ACTN1: variants seen among roughly 807,000 people sequenced by gnomAD.
ACTN1 encodes actinin alpha 1.
In ACTN1, 30 loss-of-function variants were observed where a neutral mutation model predicts 119.6. That is an observed-to-expected ratio of 0.25 (90% CI 0.19 to 0.34). The LOEUF is 0.34. Among genes scored for constraint, ACTN1 ranks in the 10% least tolerant of loss-of-function variants. ACTN1 has a pLI of 1.00. For synonymous variants in ACTN1, 429 were observed against 472.6 expected, an observed-to-expected ratio of 0.91 and a Z score of 1.20; for missense variants, 764 against 1,223.4, an observed-to-expected ratio of 0.62 and a Z score of 5.60.
At chr14:68,959,777 T>G (rs1044037443) in intron 1 of ACTN1, among the ~76,000 whole-genome samples, 3 of 152,116 alleles carry the variant, frequency 2.0e-5, no homozygotes, top group Non-Finnish European at 2.9e-5. Flanking sequence ...TAGTTACTAT[T>G]TCTAATAATC....
intron 1 of ACTN1, chr14:68,947,514 G>C (rs2035981924): frequency 6.6e-6 from 1 of 152,300 alleles, no homozygotes; most frequent in Non-Finnish European, 1.5e-5. Context: ...AGACAGCAGA[G>C]CTTGCCTCCA....
chr14:68,949,114 C>T (rs910550703), intron 1 of ACTN1, among the ~76,000 whole-genome samples: 22 of 152,314 alleles, frequency 1.4e-4, no homozygotes, highest in African/African-American at 4.6e-4. Flanking sequence ...CTGTAATTAA[C>T]GGGCCAAAAA....
chr14:68,972,666 G>T (rs761456836), intron 1 of ACTN1, among the ~76,000 whole-genome samples: 1 of 152,198 alleles, frequency 6.6e-6, no homozygotes. Flanking sequence ...TTCTACCCAC[G>T]CAAGCATTTG....
Position 68,879,779 on chromosome 14 carries a change from C to T in ACTN1, c.2280+183G>A. On this transcript the variant is annotated intron_variant, in intron 18 of 21. Coordinates refer to ENST00000394419, the MANE Select transcript of ACTN1 (RefSeq NM_001130004.2). This position sits in a 1 kb window ranked among gnomAD's most constrained non-coding sequence, Gnocchi z 4.9. ...CCGGAAAGCAGGGAAGCTTATGGGGCACCAACACAGGTTTTCCAAGGCTGG... is the reference window on the plus strand; with the variant it reads ...CCGGAAAGCAGGGAAGCTTATGGGGTACCAACACAGGTTTTCCAAGGCTGG... 1 of 750,448 alleles carries T rather than the reference C, an allele frequency of 1.3e-6. No homozygotes were observed. Among genetic ancestry groups the T allele is most frequent in the Non-Finnish European group, 2.1e-6 (1 of 477,524 alleles). 46.5% of individuals were successfully genotyped at this position (750,448 alleles called of 1,614,324 possible). A position where few individuals can be genotyped will look rare whatever the true frequency, so the allele number is the denominator to read the frequency against.
chr14:68,971,493 G>T (rs2036883043), intron 1 of ACTN1, among the ~76,000 whole-genome samples: 2 of 152,128 alleles, frequency 1.3e-5, no homozygotes, highest in African/African-American at 4.8e-5. Context: ...AAAATGAATG[G>T]CTCCCTTTAA....
chr14:68,918,967 C>A (rs997534455), intron 3 of ACTN1, among the ~76,000 whole-genome samples: 2 of 152,130 alleles, frequency 1.3e-5, no homozygotes, highest in Non-Finnish European at 2.9e-5. Flanking sequence ...CTGGTGATAC[C>A]CATCCTACGA....
In ACTN1 at chr14:68,874,978, G is replaced by A. The variant is rs200346938; in HGVS notation, c.2626C>T (p.Pro876Ser). ...GCGATGCAGTACTCAGCCTGGTCGG[G>A]TGGCAGCTCGCGGCGCAGCTCGTCC... ...TMDELRRELP[P>S]DQAEYCIARM... Residue 876 changes from proline to serine, a missense_variant, in exon 22 of 22, where the codon CCC becomes TCC. Physicochemically the swap from Pro to Ser is moderately conservative, Grantham distance 74. Transcript: ENST00000394419. 1.9e-6 allele frequency: 3 copies of A among 1,613,806 alleles called. No homozygotes were observed. The highest frequency in any genetic ancestry group is 1.3e-5 in the African/African-American group (1 of 75,074).
intron 1 of ACTN1, among the ~76,000 whole-genome samples, chr14:68,963,328 G>A (rs1388881271): frequency 6.6e-6 from 1 of 152,196 alleles, no homozygotes; most frequent in Admixed American, 6.5e-5. Context: ...CCTCCTTAGA[G>A]ACAGAGACCA....
intron 3 of ACTN1, among the ~76,000 whole-genome samples, chr14:68,917,605 C>A (rs1245384860): frequency 6.6e-6 from 1 of 152,182 alleles, no homozygotes; most frequent in African/African-American, 2.4e-5. Context: ...TAAAAGCCCA[C>A]AAAACGCCAT....
intron 16 of ACTN1, among the ~76,000 whole-genome samples, chr14:68,881,955 T>A (rs2331834): frequency 0.03 from 3,042 of 102,972 alleles, 251 homozygotes; most frequent in Non-Finnish European, 0.031. Flanking sequence ...TTTTTTTTTT[T>A]GACAGAGTCT....
intron 2 of ACTN1, among the ~76,000 whole-genome samples, chr14:68,921,628 C>A (rs1030389812): frequency 6.6e-6 from 1 of 152,152 alleles, no homozygotes; most frequent in East Asian, 1.9e-4. Context: ...TGCAGCCAGG[C>A]AAACAAAGCA....
rs530587794 is a variant in ACTN1 at position 68,925,478 on chromosome 14, C to G, written c.220+80G>C. On this transcript the variant is annotated intron_variant, in intron 2 of 21. Transcript: ENST00000394419. The surrounding 1 kb of genome is among the most constrained non-coding windows in gnomAD (Gnocchi z 4.3). The stretch of plus-strand genomic sequence containing the variant: ...TGTTTCAAGAGACCAAAACCAGCTG[C>G]GCTCATAGGCAGAGCAGATGCCAAG... The G allele has an allele frequency of 8.8e-7, 1 of 1,141,878 alleles. No homozygotes were observed. The highest frequency in any genetic ancestry group is 2.7e-5 in the East Asian group (1 of 37,374). The allele number at this position is 1,141,878 out of a possible 1,614,324, so 70.7% of individuals were successfully genotyped here.
At position 68,878,426 on chromosome 14, in the gene ACTN1, C is replaced by T; in HGVS notation, c.2427+32G>A. 1 of 1,531,302 alleles carries T rather than the reference C, an allele frequency of 6.5e-7. No homozygotes were observed. Among genetic ancestry groups the T allele is most frequent in the Non-Finnish European group, 8.8e-7 (1 of 1,139,752 alleles). 94.9% of individuals were successfully genotyped at this position (1,531,302 alleles called of 1,614,324 possible). On this transcript the variant is annotated intron_variant, in intron 20 of 21. Transcript: ENST00000394419. This position sits in a 1 kb window ranked among gnomAD's most constrained non-coding sequence, Gnocchi z 4.4. ...CTCCCGCCAGCTGGCTGCCTTCTCACCAGGGCAGACAGAGGGTGGGGTTTA... is the reference window on the plus strand; with the variant it reads ...CTCCCGCCAGCTGGCTGCCTTCTCATCAGGGCAGACAGAGGGTGGGGTTTA...
intron 14 of ACTN1, chr14:68,883,315 A>G: frequency 2.3e-6 from 1 of 439,344 alleles, no homozygotes; most frequent in Non-Finnish European, 4.1e-6. Flanking sequence ...CAGGTCAGGG[A>G]GAAGGGCTGC....
Position 68,885,327 on chromosome 14 carries a change from T to G in ACTN1, c.1385+98A>C. 27 of 729,152 alleles carry G rather than the reference T, an allele frequency of 3.7e-5. No individual in the cohort carries two copies. Among genetic ancestry groups the G allele is most frequent in the Non-Finnish European group, 5.1e-5 (25 of 488,572 alleles). The allele number at this position is 729,152 out of a possible 1,614,324, so 45.2% of individuals were successfully genotyped here. On this transcript the variant is annotated intron_variant, in intron 12 of 21. Coordinates refer to ENST00000394419, the MANE Select transcript of ACTN1 (RefSeq NM_001130004.2). The surrounding 1 kb of genome is among the most constrained non-coding windows in gnomAD (Gnocchi z 5.6). ...CCTGGGCACCCACCTGTACCCACCC[T>G]CCCCATCTTCCACGGCCACACCCCC...
At position 68,882,512 on chromosome 14, in the gene ACTN1, C is replaced by T. The variant is rs764093718; in HGVS notation, c.1899G>A (p.Lys633=). 2 of 1,614,162 alleles carry T rather than the reference C, an allele frequency of 1.2e-6. No individual in the cohort carries two copies. Among genetic ancestry groups the T allele is most frequent in the East Asian group, 2.2e-5 (1 of 44,876 alleles). The change falls in exon 16 of 22, where the codon AAG becomes AAA. Residue 633 remains lysine (K), a synonymous_variant. Transcript: ENST00000394419. The surrounding 1 kb of genome is among the most constrained non-coding windows in gnomAD (Gnocchi z 4.5). ...ARQQHNERLR[K]QFGAQANVIG... is the part of the protein sequence containing the mutation. ...TGACATTGGCCTGGGCTCCAAACTGCTTGCGTAGCCTCTCATTGTGCTGCT... is the reference window on the plus strand; with the variant it reads ...TGACATTGGCCTGGGCTCCAAACTGTTTGCGTAGCCTCTCATTGTGCTGCT...
chr14:68,892,972 G>A (rs1332490301), intron 9 of ACTN1, among the ~76,000 whole-genome samples: 1 of 152,288 alleles, frequency 6.6e-6, no homozygotes, highest in African/African-American at 2.4e-5. Flanking sequence ...TTACAGAGGA[G>A]ACAACCGAGG....
chr14:68,889,828 G>A (rs913651927), intron 11 of ACTN1, among the ~76,000 whole-genome samples: 2 of 151,954 alleles, frequency 1.3e-5, no homozygotes, highest in African/African-American at 4.8e-5. Context: ...GAACACTCGG[G>A]GTAGAGGATT....
chr14:68,972,838 G>A (rs1449644107), intron 1 of ACTN1, among the ~76,000 whole-genome samples: 1 of 152,214 alleles, frequency 6.6e-6, no homozygotes, highest in Non-Finnish European at 1.5e-5. Context: ...ATAACAGGAG[G>A]ACCCATCTCA....
Sources: allele counts gnomAD v4.1 joint callset (sites outside exome capture counted in the v4.1 genomes callset), GRCh38; gene constraint gnomAD v4.1.1; non-coding constraint Gnocchi (gnomAD v3.1); transcripts MANE v1.5; gene names NCBI Gene and HGNC (gene_info 2026-07-23, HGNC 2026-07-21).